CD99: variants seen among roughly 807,000 people sequenced by gnomAD.
The protein encoded by CD99 is CD99 antigen.
Under a neutral mutation model 28.4 loss-of-function variants are expected in CD99, and 19 were observed. The observed-to-expected ratio is 0.67, with a 90% confidence interval of 0.47 to 0.98. The LOEUF is 0.98. Ranked by LOEUF, CD99 falls within the 50% of genes least tolerant of loss-of-function variation. The pLI is 0.00. For synonymous variants in CD99, 103 were observed against 92.1 expected, an observed-to-expected ratio of 1.12 and a Z score of -0.67; for missense variants, 283 against 248.8, an observed-to-expected ratio of 1.14 and a Z score of -0.92.
chrX:2,722,746 A>C, intron 6 of CD99, 72 bp downstream of exon 6: 1 of 1,421,726 alleles, frequency 7.0e-7, no homozygotes, highest in Non-Finnish European at 1.0e-6. Context: ...TAGAATCACT[A>C]CAGGGTCTAA....
intron 5 of CD99, 112 bp downstream of exon 5, chrX:2,720,536 T>C: frequency 1.1e-6 from 1 of 931,852 alleles, no homozygotes; most frequent in Non-Finnish European, 1.8e-6. Flanking sequence ...GTTGACTGCC[T>C]GTGCAGTGTA....
rs746593976 is a variant in CD99, at chrX:2,719,631, T to C, written c.149-30T>C. The stretch of plus-strand genomic sequence containing the variant: ...TCCTTCCTCGTTTCTCTCTGGAATT[T>C]GGTATTAACTGCTCTTTCCCCTCTT... On this transcript the variant is annotated intron_variant, in intron 3 of 9. Coordinates refer to ENST00000381192, the MANE Select transcript of CD99 (RefSeq NM_002414.5). 287 of 1,604,460 alleles carry C rather than the reference T, an allele frequency of 1.8e-4. 4 individuals carry two copies. The South Asian group carries it at 2.2e-3, about 12-fold the overall frequency.
At position 2,726,331 on chromosome X, in the gene CD99, T is replaced by G; in HGVS notation, c.433T>G (p.Phe145Val). The G allele has an allele frequency of 7.4e-6, 12 of 1,612,050 alleles. No individual in the cohort carries two copies. Among genetic ancestry groups the G allele is most frequent in the Non-Finnish European group, 1.0e-5 (12 of 1,179,454 alleles). ...VVAVAGAISS[F>V]IAYQKKKLCF... Reference sequence around the variant, plus strand: ...CGCCGTGGCTGGAGCCATCTCTAGCTTCATTGCTTACCAGAAAAAGAAGCT... The same window carrying G: ...CGCCGTGGCTGGAGCCATCTCTAGCGTCATTGCTTACCAGAAAAAGAAGCT... Residue 145 changes from phenylalanine (F) to valine (V), a missense_variant, in exon 8 of 10, where the codon TTC (phenylalanine) becomes GTC (valine). Transcript: ENST00000381192.
intron 1 of CD99, chrX:2,692,059 T>A (rs191753700): frequency 6.5e-6 from 4 of 617,956 alleles, no homozygotes; most frequent in Non-Finnish European, 1.2e-5. Flanking sequence ...AAATTGTCCA[T>A]CTGCGGCGGT....
Position 2,736,985 on chromosome X carries a change from G to T in CD99, c.476-1215G>T, listed in dbSNP as rs535039072. On this transcript the variant is annotated intron_variant, in intron 8 of 9. Transcript: ENST00000381192. The stretch of plus-strand genomic sequence containing the variant: ...AGACGCCTTGGCTGTCTTGTCCTTT[G>T]ATGGCTGGGGAAGCTCTTAGTGCTC... Among the ~76,000 whole-genome samples, 918 of 152,048 alleles carry T rather than the reference G, an allele frequency of 6.0e-3. 6 individuals carry two copies. Among genetic ancestry groups the T allele is most frequent in the African/African-American group, 0.021 (877 of 41,458 alleles).
chrX:2,732,199 G>A (rs1331314043), intron 8 of CD99, among the ~76,000 whole-genome samples: 3 of 152,094 alleles, frequency 2.0e-5, no homozygotes, highest in Non-Finnish European at 4.4e-5. Context: ...CTTCTCTCAT[G>A]CACTCGGGGT....
intron 8 of CD99, among the ~76,000 whole-genome samples, chrX:2,731,938 A>G (rs1031878958): frequency 6.6e-6 from 1 of 151,536 alleles, no homozygotes; most frequent in African/African-American, 2.4e-5. Flanking sequence ...AAGTAATAGC[A>G]ACATAGCAAG....
At chrX:2,711,457 T>G (rs2048408150) in intron 1 of CD99, among the ~76,000 whole-genome samples, 1 of 150,738 alleles carries the variant, frequency 6.6e-6, no homozygotes, top group African/African-American at 2.4e-5. Flanking sequence ...ATATATATGT[T>G]TATTTGGGAT....
chrX:2,697,937 A>G (rs1468073432), intron 1 of CD99, among the ~76,000 whole-genome samples: 1 of 151,746 alleles, frequency 6.6e-6, no homozygotes, highest in African/African-American at 2.4e-5. Flanking sequence ...CAGGAGATGG[A>G]TATGAACATC....
intron 8 of CD99, among the ~76,000 whole-genome samples, chrX:2,732,568 TCTC>T (rs1325290906): frequency 0.023 from 3,443 of 146,528 alleles, 55 homozygotes; most frequent in African/African-American, 0.028. Context: ...TCTCCCTCTC[TCTC>T]TCTTTTCATT....
At chrX:2,710,457 C>T (rs2048342674) in intron 1 of CD99, among the ~76,000 whole-genome samples, 1 of 151,618 alleles carries the variant, frequency 6.6e-6, no homozygotes, top group Non-Finnish European at 1.5e-5. Context: ...GGTGAAATTA[C>T]AGAAATAAGA....
In CD99 at chrX:2,708,119, C is replaced by T. The variant is rs200576611; in HGVS notation, c.68-6303C>T. Among the ~76,000 whole-genome samples the T allele has an allele frequency of 2.3e-3, 328 of 144,180 alleles. 1 individual carries two copies. Among genetic ancestry groups the T allele is most frequent in the African/African-American group, 8.7e-3 (321 of 36,722 alleles). 94.6% of individuals were successfully genotyped at this position (144,180 alleles called of 152,430 possible). Reference sequence around the variant, plus strand: ...CATTTATATACACCTGGGGGACTGCCTTCCTCACACACACCTGGGGGACTG... The same window carrying T: ...CATTTATATACACCTGGGGGACTGCTTTCCTCACACACACCTGGGGGACTG... On this transcript the variant is annotated intron_variant, in intron 1 of 9. Transcript: ENST00000381192.
chrX:2,740,662 G>T, intron 9 of CD99, 117 bp from the exon 10 acceptor site: 1 of 909,260 alleles, frequency 1.1e-6, no homozygotes. Flanking sequence ...GATGAGTTTT[G>T]GGCCCATTTT....
chrX:2,717,435 C>G (rs1293850406), intron 2 of CD99, 170 bp from the exon 3 acceptor site: 1 of 620,294 alleles, frequency 1.6e-6, no homozygotes, highest in Non-Finnish European at 2.9e-6. Flanking sequence ...GTCTTCTGGG[C>G]TCAAGAGTCG....
At chrX:2,732,047 A>G (rs920446782) in intron 8 of CD99, among the ~76,000 whole-genome samples, 3 of 151,678 alleles carry the variant, frequency 2.0e-5, no homozygotes, top group African/African-American at 7.3e-5. Flanking sequence ...GAGTCTTGCT[A>G]TGTTGCCATT....
chrX:2,702,815 T>C (rs193048333), intron 1 of CD99, among the ~76,000 whole-genome samples: 2,914 of 152,086 alleles, frequency 0.019, 54 homozygotes, highest in Admixed American at 0.049. Context: ...GGAGTCTCCC[T>C]CTTTCGCCAA....
chrX:2,731,860 C>A (rs1457893868), intron 8 of CD99, among the ~76,000 whole-genome samples: 2 of 151,948 alleles, frequency 1.3e-5, no homozygotes, highest in Non-Finnish European at 2.9e-5. Context: ...ATTAGAAACT[C>A]CTTGTGGAAT....
At chrX:2,716,648 C>T (rs1414965471) in intron 2 of CD99, among the ~76,000 whole-genome samples, 1 of 152,192 alleles carries the variant, frequency 6.6e-6, no homozygotes, top group African/African-American at 2.4e-5. Context: ...ATTGCAGACA[C>T]GAGCCACTGC....
chrX:2,694,721 A>G (rs1376319723), intron 1 of CD99, among the ~76,000 whole-genome samples: 1 of 151,770 alleles, frequency 6.6e-6, no homozygotes, highest in Non-Finnish European at 1.5e-5. Context: ...TCACCGCATT[A>G]TGGCCTGGGT....
Sources: gnomAD v4.1 joint callset for allele counts (sites outside exome capture counted in the v4.1 genomes callset) on GRCh38, gnomAD v4.1.1 for gene constraint, MANE v1.5 for transcripts, NCBI Gene and HGNC (gene_info 2026-07-23, HGNC 2026-07-21) for gene names.